The following DPYSL2 variants were observed in gnomAD, a reference collection of about 807,000 sequenced individuals.
DPYSL2 encodes the protein dihydropyrimidinase like 2, also known as dihydropyrimidinase-related protein 2.
DPYSL2 carries 13 observed loss-of-function variants against 69.9 expected under a neutral mutation model. That is an observed-to-expected ratio of 0.19 (90% confidence interval 0.12 to 0.30). The LOEUF is 0.30. DPYSL2 is among the 10% of genes least tolerant of loss of function. The probability of loss-of-function intolerance (pLI) is 1.00; values close to 1 mark genes in which losing one functional copy is unlikely to be tolerated. For missense variants in DPYSL2, 587 were observed against 918.9 expected (o/e 0.64, Z 4.67); for synonymous variants, 326 against 359.1 (o/e 0.91, Z 1.04).
At position 26,582,250 on chromosome 8, in the gene DPYSL2, C is replaced by T. The variant is rs969107022; in HGVS notation, c.443+193C>T. Among the ~76,000 whole-genome samples, 15 of 152,172 alleles carry T rather than the reference C, an allele frequency of 9.9e-5. No individual in the cohort carries two copies. The highest frequency in any genetic ancestry group is 3.6e-4 in the African/African-American group (15 of 41,428). On this transcript the variant is annotated intron_variant, in intron 2 of 13. Transcript: ENST00000521913. This position sits in a 1 kb window ranked among gnomAD's most constrained non-coding sequence, Gnocchi z 4.1. ...CTCAAATTTAGGGAATTCAAAGCAA[C>T]AATTAATGTACACCCGTTGCATTAG...
At position 26,609,101 on chromosome 8, in the gene DPYSL2, G is replaced by T. The variant is rs1262224909; in HGVS notation, c.629-15042G>T. Among the ~76,000 whole-genome samples, 5 of 152,164 alleles carry T rather than the reference G, an allele frequency of 3.3e-5. No homozygotes were observed. Among genetic ancestry groups the T allele is most frequent in the Non-Finnish European group, 5.9e-5 (4 of 68,020 alleles). On this transcript the variant is annotated intron_variant, in intron 3 of 13. Transcript: ENST00000521913. This position sits in a 1 kb window ranked among gnomAD's most constrained non-coding sequence, Gnocchi z 6.5. ...TTGCTGACGAGCACCCTGTGTACAC[G>T]CTAGTTTTTATTTGAACGAGGTGCT...
At position 26,587,902 on chromosome 8, in the gene DPYSL2, G is replaced by C. The variant is rs1162559597; in HGVS notation, c.628+3919G>C. ...CTATTTTATAGAGGGGAAGACTGAG[G>C]CCGGAAGGACAGACACGACTTGCCA... On this transcript the variant is annotated intron_variant, in intron 3 of 13. Transcript: ENST00000521913. This position sits in a 1 kb window ranked among gnomAD's most constrained non-coding sequence, Gnocchi z 4.2. Among the ~76,000 whole-genome samples the C allele has an allele frequency of 2.0e-5, 3 of 152,190 alleles. No individual in the cohort carries two copies. Among genetic ancestry groups the C allele is most frequent in the Non-Finnish European group, 2.9e-5 (2 of 68,038 alleles).
intron 1 of DPYSL2, among the ~76,000 whole-genome samples, chr8:26,568,779 G>A (rs535508594): frequency 2.7e-4 from 38 of 139,350 alleles, no homozygotes; most frequent in African/African-American, 9.5e-4. Flanking sequence ...TTTCAGAATC[G>A]ACACAGATTC....
At position 26,597,561 on chromosome 8, in the gene DPYSL2, G is replaced by A. The variant is rs546209600; in HGVS notation, c.628+13578G>A. Reference sequence around the variant, plus strand: ...TTGATCTCAGCTCACTGCAAGCTCCGCCTCCCAGGTTCACGCCATTCTCCT... The same window carrying A: ...TTGATCTCAGCTCACTGCAAGCTCCACCTCCCAGGTTCACGCCATTCTCCT... On this transcript the variant is annotated intron_variant, in intron 3 of 13. Transcript: ENST00000521913. The surrounding 1 kb of genome is among the most constrained non-coding windows in gnomAD (Gnocchi z 5.2). Among the ~76,000 whole-genome samples the A allele has an allele frequency of 7.2e-5, 11 of 151,898 alleles. No homozygotes were observed. Among genetic ancestry groups the A allele is most frequent in the Non-Finnish European group, 1.5e-4 (10 of 67,992 alleles).
intron 1 of DPYSL2, among the ~76,000 whole-genome samples, chr8:26,576,527 A>C (rs2129707161): frequency 6.6e-6 from 1 of 152,256 alleles, no homozygotes; most frequent in South Asian, 2.1e-4. Context: ...CCTGAGGATC[A>C]ACTGGATCAG....
intron 3 of DPYSL2, among the ~76,000 whole-genome samples, chr8:26,607,817 T>C (rs1802139600): frequency 6.6e-6 from 1 of 151,384 alleles, no homozygotes; most frequent in East Asian, 2.0e-4. Context: ...TGGTGGCTAA[T>C]GCCTGTAATC....
rs569563961 is a variant in DPYSL2, at chr8:26,650,016, G to A, written c.1596+2216G>A. On this transcript the variant is annotated intron_variant, in intron 11 of 13. Transcript: ENST00000521913. The surrounding 1 kb of genome is among the most constrained non-coding windows in gnomAD (Gnocchi z 5.3). ...CAACAAGACTCAACGCATGCATTGT[G>A]TGAGATCTTGGATGCTGCAGGGCTG... Among the ~76,000 whole-genome samples, 1 of 152,336 alleles carries A rather than the reference G, an allele frequency of 6.6e-6. No individual in the cohort carries two copies. The highest frequency in any genetic ancestry group is 1.9e-4 in the East Asian group (1 of 5,184).
intron 1 of DPYSL2, among the ~76,000 whole-genome samples, chr8:26,542,144 C>T (rs961122272): frequency 1.3e-5 from 2 of 151,948 alleles, no homozygotes; most frequent in Non-Finnish European, 2.9e-5. Context: ...AAAAATTAGC[C>T]AGGTGTGGTT....
At position 26,597,523 on chromosome 8, in the gene DPYSL2, G is replaced by A. The variant is rs1235873894; in HGVS notation, c.628+13540G>A. On this transcript the variant is annotated intron_variant, in intron 3 of 13. Transcript: ENST00000521913. This position sits in a 1 kb window ranked among gnomAD's most constrained non-coding sequence, Gnocchi z 5.2. ...AGAGTCTCCCTCCGTTGCCTAGGCTGGAATGCAGTGGCTTGATCTCAGCTC... is the reference window on the plus strand; with the variant it reads ...AGAGTCTCCCTCCGTTGCCTAGGCTAGAATGCAGTGGCTTGATCTCAGCTC... Among the ~76,000 whole-genome samples the A allele has an allele frequency of 1.3e-5, 2 of 152,010 alleles. No individual in the cohort carries two copies. Among genetic ancestry groups the A allele is most frequent in the African/African-American group, 4.8e-5 (2 of 41,388 alleles).
chr8:26,602,964 C>T (rs942281566), intron 3 of DPYSL2, among the ~76,000 whole-genome samples: 6 of 152,116 alleles, frequency 3.9e-5, no homozygotes, highest in African/African-American at 1.4e-4. Context: ...GTGGATTTCA[C>T]CCATGGGGTG....
At chr8:26,607,092 T>C (rs1292990779) in intron 3 of DPYSL2, among the ~76,000 whole-genome samples, 1 of 152,212 alleles carries the variant, frequency 6.6e-6, no homozygotes, top group Non-Finnish European at 1.5e-5. Context: ...GTAGCATTAT[T>C]TATAATGAGG....
rs552432643 is a variant in DPYSL2 at position 26,620,206 on chromosome 8, C to A, written c.629-3937C>A. Among the ~76,000 whole-genome samples the A allele has an allele frequency of 6.6e-6, 1 of 151,888 alleles. No homozygotes were observed. Among genetic ancestry groups the A allele is most frequent in the Non-Finnish European group, 1.5e-5 (1 of 68,010 alleles). On this transcript the variant is annotated intron_variant, in intron 3 of 13. Transcript: ENST00000521913. This position sits in a 1 kb window ranked among gnomAD's most constrained non-coding sequence, Gnocchi z 4.5. ...TTGAGCCTTGCAATGGGAATGAGTG[C>A]CTTGGCCTAAGGAGAAGGGAAGAAA...
intron 1 of DPYSL2, 134 bp from the exon 2 acceptor site, chr8:26,581,835 C>G (rs1402194056): frequency 1.4e-6 from 1 of 699,158 alleles, no homozygotes; most frequent in Admixed American, 2.2e-5. Flanking sequence ...ACCTTTGTCA[C>G]TGAACCTTTC....
In DPYSL2 at chr8:26,610,597, T is replaced by C. The variant is rs1802202677; in HGVS notation, c.629-13546T>C. 6.6e-6 allele frequency among the ~76,000 whole-genome samples: 1 copy of C among 152,036 alleles called. No homozygotes were observed. Among genetic ancestry groups the C allele is most frequent in the Non-Finnish European group, 1.5e-5 (1 of 68,014 alleles). On this transcript the variant is annotated intron_variant, in intron 3 of 13. Coordinates refer to ENST00000521913, the MANE Select transcript of DPYSL2 (RefSeq NM_001197293.3). The surrounding 1 kb of genome is among the most constrained non-coding windows in gnomAD (Gnocchi z 4.5). ...CCACCCTCCTTCCCTCAATCACGCC[T>C]TTATCCAGTCCCTTCCCACGCCCTG...
chr8:26,637,796 G>T (rs1433801928), intron 8 of DPYSL2: 1 of 152,248 alleles, frequency 6.6e-6, no homozygotes, highest in African/African-American at 2.4e-5. Flanking sequence ...TTTGCCATCT[G>T]CAAGGGGAGG....
At position 26,516,449 on chromosome 8, in the gene DPYSL2, A is replaced by G. The variant is rs567757692; in HGVS notation, c.354+1770A>G. ...AAGCAGAAAAACAACTGGAGAATAA[A>G]GAAGAAATCATGTAAAAAGTGGCAG... On this transcript the variant is annotated intron_variant, in intron 1 of 13. Transcript: ENST00000521913. This position sits in a 1 kb window ranked among gnomAD's most constrained non-coding sequence, Gnocchi z 4.8. Among the ~76,000 whole-genome samples, 3 of 152,334 alleles carry G rather than the reference A, an allele frequency of 2.0e-5. No homozygotes were observed. The highest frequency in any genetic ancestry group is 3.9e-4 in the East Asian group (2 of 5,192).
intron 1 of DPYSL2, among the ~76,000 whole-genome samples, chr8:26,555,687 C>T (rs1489319754): frequency 1.3e-5 from 2 of 151,346 alleles, no homozygotes; most frequent in African/African-American, 4.9e-5. Context: ...GAGTTTGAGA[C>T]CAGCCTGGGC....
chr8:26,585,560 G>C lies in DPYSL2; in HGVS notation c.628+1577G>C, dbSNP rs552046731. Among the ~76,000 whole-genome samples the C allele has an allele frequency of 2.2e-4, 33 of 152,242 alleles. No individual in the cohort carries two copies. Among genetic ancestry groups the C allele is most frequent in the African/African-American group, 7.9e-4 (33 of 41,534 alleles). On this transcript the variant is annotated intron_variant, in intron 3 of 13. Coordinates refer to ENST00000521913, the MANE Select transcript of DPYSL2 (RefSeq NM_001197293.3). This position sits in a 1 kb window ranked among gnomAD's most constrained non-coding sequence, Gnocchi z 4.0. ...TGGGTGCCATTTTCCAGGGATGTCG[G>C]GGGGAGATTTCATGCACACCTAGGG...
At chr8:26,603,260 C>T (rs1374600430) in intron 3 of DPYSL2, among the ~76,000 whole-genome samples, 2 of 152,142 alleles carry the variant, frequency 1.3e-5, no homozygotes, top group African/African-American at 4.8e-5. Flanking sequence ...ACAACCTCCA[C>T]CTCCCGGGTT....
Sources: gnomAD v4.1 joint callset for allele counts (sites outside exome capture counted in the v4.1 genomes callset) on GRCh38, gnomAD v4.1.1 for gene constraint, Gnocchi (gnomAD v3.1) non-coding constraint, MANE v1.5 for transcripts, NCBI Gene and HGNC (gene_info 2026-07-23, HGNC 2026-07-21) for gene names.